The following FYCO1 variants were observed in gnomAD, a reference collection of about 807,000 sequenced individuals.
FYCO1 encodes FYVE and coiled-coil domain-containing protein 1.
In FYCO1, 122 loss-of-function variants were observed where a neutral mutation model predicts 165.1. That is an observed-to-expected ratio of 0.74 (90% CI 0.64 to 0.86). The LOEUF (loss-of-function observed/expected upper bound fraction) is 0.86. Among genes scored for constraint, FYCO1 ranks in the 40% least tolerant of loss-of-function variants. FYCO1 has a pLI of 0.00. For synonymous variants in FYCO1, 648 were observed against 742.5 expected (o/e 0.87, Z 2.07); for missense variants, 1,702 against 1,810.3 (o/e 0.94, Z 1.09).
intron 14 of FYCO1, among the ~76,000 whole-genome samples, chr3:45,949,077 C>G (rs923144527): frequency 6.6e-6 from 1 of 152,182 alleles, no homozygotes; most frequent in Admixed American, 6.5e-5. Context: ...GGGTTTGTAT[C>G]GTGCCTTCCA....
In FYCO1 at chr3:45,964,926, G is replaced by T; in HGVS notation, c.3150+107C>A. 1 of 873,592 alleles carries T rather than the reference G, an allele frequency of 1.1e-6. No homozygotes were observed. Among genetic ancestry groups the T allele is most frequent in the East Asian group, 2.6e-5 (1 of 38,168 alleles). The allele number at this position is 873,592 out of a possible 1,614,324, so 54.1% of individuals were successfully genotyped here. On this transcript the variant is annotated intron_variant, in intron 9 of 17. Coordinates refer to ENST00000296137, the MANE Select transcript of FYCO1 (RefSeq NM_024513.4). This position sits in a 1 kb window ranked among gnomAD's most constrained non-coding sequence, Gnocchi z 4.1. ...GTGTCTACAAAGGTGAACTGAGGAC[G>T]GCTTCAGCTTGGGAATCTGGAGGCA...
chr3:45,954,545 C>T (rs1415247258), intron 14 of FYCO1, among the ~76,000 whole-genome samples: 1 of 152,180 alleles, frequency 6.6e-6, no homozygotes, highest in Non-Finnish European at 1.5e-5. Context: ...CAGCATGTTG[C>T]TCTGAGCAAT....
chr3:45,978,626 G>GTGTTGACTTTAAAC (rs1396050255), intron 4 of FYCO1, among the ~76,000 whole-genome samples: 1 of 152,214 alleles, frequency 6.6e-6, no homozygotes, highest in Non-Finnish European at 1.5e-5. Context: ...AGCAGCAGGT[G>GTGTTGACTTTAAAC]TGTTGACTTT....
rs758772190 is a variant in FYCO1 at position 45,962,350 on chromosome 3, C to T, written c.3312G>A (p.Glu1104=). ...CCTCCTGGCAGAGTTTGTTGTAATA[C>T]TCTTGGATTTTTGTTGTGGCTTTTT... is the stretch of plus-strand genomic sequence containing the variant. ...ELEKATTKIQ[E]YYNKLCQEVT... Residue 1104 remains glutamate, a synonymous_variant, in exon 11 of 18, where the codon GAG becomes GAA. Transcript: ENST00000296137. This position sits in a 1 kb window ranked among gnomAD's most constrained non-coding sequence, Gnocchi z 4.4. The T allele has an allele frequency of 6.2e-7, 1 of 1,614,162 alleles. No homozygotes were observed. The highest frequency in any genetic ancestry group is 8.5e-7 in the Non-Finnish European group (1 of 1,180,034).
intron 14 of FYCO1, among the ~76,000 whole-genome samples, chr3:45,940,042 C>G (rs1207396018): frequency 2.0e-5 from 3 of 152,230 alleles, no homozygotes; most frequent in Non-Finnish European, 4.4e-5. Flanking sequence ...CCACACACAT[C>G]ATATTCACTC....
chr3:45,963,946 G>A (rs1427089240), intron 10 of FYCO1, among the ~76,000 whole-genome samples: 1 of 152,192 alleles, frequency 6.6e-6, no homozygotes, highest in African/African-American at 2.4e-5. Context: ...AGGATTAAAT[G>A]GGTAAATGTA....
chr3:45,974,266 C>T (rs1329021349), intron 5 of FYCO1, among the ~76,000 whole-genome samples: 3 of 152,034 alleles, frequency 2.0e-5, no homozygotes, highest in African/African-American at 7.3e-5. Flanking sequence ...TCCAGCTACT[C>T]GAAGGCTGAG....
In FYCO1 at chr3:45,918,419, G is replaced by A. The variant is rs919666698; in HGVS notation, c.*3346C>T. 2 of 152,052 alleles carry A rather than the reference G, an allele frequency of 1.3e-5. No homozygotes were observed. The highest frequency in any genetic ancestry group is 2.9e-5 in the Non-Finnish European group (2 of 68,002). The allele number at this position is 152,052 out of a possible 1,614,324, so 9.4% of individuals were successfully genotyped here. Reference sequence around the variant, plus strand: ...CCTACAAAGTGCTTTCTTGGTAAGTGTTTTGTAAACAAGAATGGCCGTCTC... The same window carrying A: ...CCTACAAAGTGCTTTCTTGGTAAGTATTTTGTAAACAAGAATGGCCGTCTC... On this transcript the variant is annotated 3_prime_UTR_variant, in exon 18 of 18. Coordinates refer to ENST00000296137, the MANE Select transcript of FYCO1 (RefSeq NM_024513.4).
chr3:45,935,797 C>T (rs1280302218), intron 15 of FYCO1, among the ~76,000 whole-genome samples: 1 of 152,132 alleles, frequency 6.6e-6, no homozygotes, highest in Non-Finnish European at 1.5e-5. Context: ...GTCAGCCTTT[C>T]TTGGTTTTGT....
intron 13 of FYCO1, among the ~76,000 whole-genome samples, chr3:45,956,642 T>C (rs1705347042): frequency 2.0e-5 from 3 of 152,172 alleles, no homozygotes; most frequent in Admixed American, 2.0e-4. Flanking sequence ...GGATTGTTTT[T>C]TTTTCCATCA....
At chr3:45,926,782 T>C (rs1275191666) in intron 16 of FYCO1, among the ~76,000 whole-genome samples, 1 of 152,172 alleles carries the variant, frequency 6.6e-6, no homozygotes, top group Non-Finnish European at 1.5e-5. Flanking sequence ...CTGGCCAACA[T>C]AGCAAAACCC....
rs1705914660 is a variant in FYCO1 at position 45,964,988 on chromosome 3, C to T, written c.3150+45G>A. 2 of 1,524,342 alleles carry T rather than the reference C, an allele frequency of 1.3e-6. No individual in the cohort carries two copies. The highest frequency in any genetic ancestry group is 1.8e-6 in the Non-Finnish European group (2 of 1,099,652). 94.4% of individuals were successfully genotyped at this position (1,524,342 alleles called of 1,614,324 possible). A position where few individuals can be genotyped will look rare whatever the true frequency, so the allele number is the denominator to read the frequency against. ...CTCTTAAATGGTCCAGTCAAAACCACACCAGATGCCCTCTCCCTGACAGGT... is the reference window on the plus strand; with the variant it reads ...CTCTTAAATGGTCCAGTCAAAACCATACCAGATGCCCTCTCCCTGACAGGT... On this transcript the variant is annotated intron_variant, in intron 9 of 17. Coordinates refer to ENST00000296137, the MANE Select transcript of FYCO1 (RefSeq NM_024513.4). The surrounding 1 kb of genome is among the most constrained non-coding windows in gnomAD (Gnocchi z 4.1).
rs1368091933 is a variant in FYCO1, at chr3:45,968,059, A to C, written c.1275T>G (p.Ser425Arg). Residue 425 changes from serine (S) to arginine (R), a missense_variant, in exon 8 of 18, where the codon AGT becomes AGG. Physicochemically the swap from Ser to Arg is moderately radical, Grantham distance 110. Coordinates refer to ENST00000296137, the MANE Select transcript of FYCO1 (RefSeq NM_024513.4). Reference protein sequence around the residue: ...TKVEEVNRQQSAQLEQLVKEL... With the variant: ...TKVEEVNRQQRAQLEQLVKEL... ...CCTTGACCAGCTGTTCCAGTTGGGC[A>C]CTCTGCTGTCTGTTGACCTCCTCGA... 1 of 1,613,502 alleles carries C rather than the reference A, an allele frequency of 6.2e-7. No homozygotes were observed.
chr3:45,954,494 G>T (rs879474663), intron 14 of FYCO1, among the ~76,000 whole-genome samples: 3 of 152,182 alleles, frequency 2.0e-5, no homozygotes, highest in Non-Finnish European at 4.4e-5. Context: ...AGGTGAGTAA[G>T]ACCAGGAGCA....
At chr3:45,943,204 C>T (rs983328418) in intron 14 of FYCO1, among the ~76,000 whole-genome samples, 2 of 152,192 alleles carry the variant, frequency 1.3e-5, no homozygotes, top group South Asian at 2.1e-4. Flanking sequence ...CCACCATCTT[C>T]GGTGGATGGC....
In FYCO1 at chr3:45,930,981, T is replaced by C. The variant is rs1703576173; in HGVS notation, c.4251+90A>G. ...CAAGTGAGGCCTGCCCAGCAGAGGA[T>C]AGGATGGCCACTGCCCTGCTTTGAG... is the stretch of plus-strand genomic sequence containing the variant. On this transcript the variant is annotated intron_variant, in intron 16 of 17. Transcript: ENST00000296137. The C allele has an allele frequency of 1.2e-5, 14 of 1,175,616 alleles. No individual in the cohort carries two copies. In the South Asian group the frequency reaches 1.4e-4, roughly 12 times the overall value. The allele number at this position is 1,175,616 out of a possible 1,614,324, so 72.8% of individuals were successfully genotyped here. A position where few individuals can be genotyped will look rare whatever the true frequency, so the allele number is the denominator to read the frequency against.
At chr3:45,935,629 T>A (rs1307588395) in intron 15 of FYCO1, among the ~76,000 whole-genome samples, 2 of 152,242 alleles carry the variant, frequency 1.3e-5, no homozygotes, top group Non-Finnish European at 2.9e-5. Context: ...TGTCACTTTA[T>A]TTAAAATGGC....
intron 1 of FYCO1, among the ~76,000 whole-genome samples, chr3:45,985,685 C>G (rs1707281971): frequency 6.6e-6 from 1 of 152,204 alleles, no homozygotes; most frequent in Non-Finnish European, 1.5e-5. Flanking sequence ...GCCCCTGCAC[C>G]AGGCAATGGA....
intron 14 of FYCO1, chr3:45,947,843 G>A: frequency 3.5e-6 from 1 of 287,604 alleles, no homozygotes; most frequent in Non-Finnish European, 6.9e-6. Flanking sequence ...GAAGAGGTGA[G>A]CACGGCCAAC....
Sources: allele counts gnomAD v4.1 joint callset (sites outside exome capture counted in the v4.1 genomes callset), GRCh38; gene constraint gnomAD v4.1.1; non-coding constraint Gnocchi (gnomAD v3.1); transcripts MANE v1.5; gene names NCBI Gene and HGNC (gene_info 2026-07-23, HGNC 2026-07-21).